The following CELSR1 variants were observed in gnomAD, a reference collection of about 807,000 sequenced individuals.
CELSR1 encodes the protein cadherin EGF LAG seven-pass G-type receptor 1, also known as adhesion G protein-coupled receptor C1.
In CELSR1, 110 loss-of-function variants were observed where a neutral mutation model predicts 249.1. The ratio of observed to expected loss-of-function variants is 0.44; its 90% CI spans 0.38 to 0.52. The LOEUF is 0.52. Among genes scored for constraint, CELSR1 ranks in the 20% least tolerant of loss-of-function variants. The pLI is 0.00. For synonymous variants in CELSR1, 2,113 were observed against 1,900.0 expected, an observed-to-expected ratio of 1.11 and a Z score of -2.92; for missense variants, 4,109 against 4,296.4, an observed-to-expected ratio of 0.96 and a Z score of 1.22.
intron 5 of CELSR1, among the ~76,000 whole-genome samples, chr22:46,419,823 GCA>G (rs991496505): frequency 4.0e-5 from 6 of 149,288 alleles, no homozygotes; most frequent in African/African-American, 1.2e-4. Context: ...TCATACTCGT[GCA>G]CATTTACCCA....
chr22:46,514,481 C>T (rs1349918404), intron 1 of CELSR1, among the ~76,000 whole-genome samples: 1 of 152,160 alleles, frequency 6.6e-6, no homozygotes, highest in Non-Finnish European at 1.5e-5. Flanking sequence ...CCTCTGGCTG[C>T]CAGTCAGTCA....
chr22:46,451,653 T>C (rs1248912605), intron 2 of CELSR1, among the ~76,000 whole-genome samples: 1 of 152,104 alleles, frequency 6.6e-6, no homozygotes, highest in Non-Finnish European at 1.5e-5. Context: ...AGGGGCTCCC[T>C]ACAACCTCCT....
chr22:46,372,897 G>A lies in CELSR1; in HGVS notation c.7745C>T (p.Pro2582Leu). ...RFYYVVGWGIPAIVTGLAVGL... is the reference protein window; with the variant it reads ...RFYYVVGWGILAIVTGLAVGL... ...TGCATCCTCACCTGTGACAATGGCC[G>A]GGATGCCCCAGCCCACGACGTAGTA... The change falls in exon 25 of 35, where the codon CCG (proline) becomes CTG (leucine). Residue 2582 changes from proline (P) to leucine (L), a missense_variant. Physicochemically the swap from Pro to Leu is moderately conservative, Grantham distance 98. Coordinates refer to ENST00000674500, the MANE Select transcript of CELSR1 (RefSeq NM_001378328.1). 4 of 1,607,530 alleles carry A rather than the reference G, an allele frequency of 2.5e-6. No homozygotes were observed. Among genetic ancestry groups the A allele is most frequent in the Non-Finnish European group, 2.6e-6 (3 of 1,176,192 alleles).
At position 46,361,222 on chromosome 22, in the gene CELSR1, T is replaced by C. The variant is rs940936224; in HGVS notation, c.*2001A>G. The C allele has an allele frequency of 1.0e-3, 155 of 152,590 alleles. No homozygotes were observed. Among genetic ancestry groups the C allele is most frequent in the African/African-American group, 3.6e-3 (148 of 41,444 alleles). 9.5% of individuals were successfully genotyped at this position (152,590 alleles called of 1,614,324 possible). A position where few individuals can be genotyped will look rare whatever the true frequency, so the allele number is the denominator to read the frequency against. On this transcript the variant is annotated 3_prime_UTR_variant, in exon 35 of 35. Coordinates refer to ENST00000674500, the MANE Select transcript of CELSR1 (RefSeq NM_001378328.1). ...ATTGTAGACTCTTCTCATTTGTAAT[T>C]CCAGTGTTTTGAACATTAATAAATA...
In CELSR1 at chr22:46,503,515, G is replaced by A. The variant is rs141695672; in HGVS notation, c.3544+30112C>T. Among the ~76,000 whole-genome samples the A allele has an allele frequency of 1.1e-3, 174 of 152,362 alleles. 4 individuals carry two copies. The East Asian group carries it at 0.028, about 25-fold the overall frequency. ...ACACAGGAAGAACCACATTCACTAT[G>A]AACTCAACCAACTGCATCCAGCGAG... On this transcript the variant is annotated intron_variant, in intron 1 of 34. Transcript: ENST00000674500.
In CELSR1 at chr22:46,430,453, G is replaced by A. The variant is rs1386093375; in HGVS notation, c.4611+2940C>T. 3.3e-5 allele frequency among the ~76,000 whole-genome samples: 5 copies of A among 152,180 alleles called. No homozygotes were observed. In the East Asian group the frequency reaches 9.7e-4, roughly 29 times the overall value. On this transcript the variant is annotated intron_variant, in intron 5 of 34. Transcript: ENST00000674500. This position sits in a 1 kb window ranked among gnomAD's most constrained non-coding sequence, Gnocchi z 4.6. Reference sequence around the variant, plus strand: ...CGTGTGCAGGGGGGTTCCCTCGGCAGTGTCACCCACCACCCTCAAGATCAC... The same window carrying A: ...CGTGTGCAGGGGGGTTCCCTCGGCAATGTCACCCACCACCCTCAAGATCAC...
chr22:46,461,811 G>C (rs1452558728), intron 2 of CELSR1, among the ~76,000 whole-genome samples: 1 of 152,256 alleles, frequency 6.6e-6, no homozygotes. Context: ...AAGCAGGGAA[G>C]TCGACGAAGC....
Position 46,492,469 on chromosome 22 carries a change from T to C in CELSR1, c.3545-28124A>G, listed in dbSNP as rs76499187. 8.3e-3 allele frequency among the ~76,000 whole-genome samples: 1,258 copies of C among 152,314 alleles called. 18 individuals are homozygous for C. The highest frequency in any genetic ancestry group is 0.029 in the African/African-American group (1,204 of 41,564). On this transcript the variant is annotated intron_variant, in intron 1 of 34. Transcript: ENST00000674500. ...TCTTTTCCATAAAAATGCACCCCTT[T>C]GTTTTAAAAACTGGTAGCTTGTGTT... is the stretch of plus-strand genomic sequence containing the variant.
chr22:46,418,286 G>A (rs1001805426), intron 5 of CELSR1, among the ~76,000 whole-genome samples: 9 of 152,104 alleles, frequency 5.9e-5, no homozygotes, highest in Non-Finnish European at 1.0e-4. Flanking sequence ...TTTGCGACCA[G>A]CCTGGCCAAC....
Position 46,534,549 on chromosome 22 carries a change from G to A in CELSR1, c.2622C>T (p.Asp874=), listed in dbSNP as rs2080829055. Residue 874 remains aspartate, a synonymous_variant, in exon 1 of 35, where the codon GAC becomes GAT. Coordinates refer to ENST00000674500, the MANE Select transcript of CELSR1 (RefSeq NM_001378328.1). This position sits in a 1 kb window ranked among gnomAD's most constrained non-coding sequence, Gnocchi z 9.7. ...GGATGAGGATCTCTAGGGTGGTGGT[G>A]TCTGATTTCTGCGGGATGCCGTTGT... ...AQDNGIPQKS[D]TTTLEILILD... is the part of the protein sequence containing the mutation. 1 of 1,613,582 alleles carries A rather than the reference G, an allele frequency of 6.2e-7. No individual in the cohort carries two copies. Among genetic ancestry groups the A allele is most frequent in the African/African-American group, 1.3e-5 (1 of 74,948 alleles).
rs6008805 is a variant in CELSR1, at chr22:46,412,419, A to G, written c.4612-660T>C. On this transcript the variant is annotated intron_variant, in intron 5 of 34. Transcript: ENST00000674500. This position sits in a 1 kb window ranked among gnomAD's most constrained non-coding sequence, Gnocchi z 4.5. Reference sequence around the variant, plus strand: ...CTGGGGGTGTCCTCCTGACCACGGCACCTGGCCAGGTTCGTGCTCCTGGAG... The same window carrying G: ...CTGGGGGTGTCCTCCTGACCACGGCGCCTGGCCAGGTTCGTGCTCCTGGAG... Among the ~76,000 whole-genome samples the G allele has an allele frequency of 0.3, 45,424 of 151,956 alleles. 11,228 individuals are homozygous for G. The highest frequency in any genetic ancestry group is 0.69 in the African/African-American group (28,421 of 41,436).
At position 46,393,893 on chromosome 22, in the gene CELSR1, G is replaced by C. The variant is rs575314873; in HGVS notation, c.5964+249C>G. Among the ~76,000 whole-genome samples, 1 of 152,360 alleles carries C rather than the reference G, an allele frequency of 6.6e-6. No homozygotes were observed. The highest frequency in any genetic ancestry group is 1.9e-4 in the East Asian group (1 of 5,184). On this transcript the variant is annotated intron_variant, in intron 14 of 34. Coordinates refer to ENST00000674500, the MANE Select transcript of CELSR1 (RefSeq NM_001378328.1). The surrounding 1 kb of genome is among the most constrained non-coding windows in gnomAD (Gnocchi z 4.1). ...GCAGGGATTCCTGTTCCACGGGCGG[G>C]GGCTGGCAGGGCTGAACCCGTAGTT... is the stretch of plus-strand genomic sequence containing the variant.
chr22:46,377,192 C>T lies in CELSR1; in HGVS notation c.7453G>A (p.Val2485Met). Reference protein sequence around the residue: ...AVSLSLAALLVAFVLLSLVRM... With the variant: ...AVSLSLAALLMAFVLLSLVRM... The stretch of plus-strand genomic sequence containing the variant: ...ACCAGGCTCAGGAGGACGAAGGCCA[C>T]CAGCAGGGCTGCCAGTGACAAGGAC... Residue 2485 changes from valine to methionine, a missense_variant, in exon 24 of 35, where the codon GTG becomes ATG. Physicochemically the swap from Val to Met is conservative, Grantham distance 21. Transcript: ENST00000674500. 1.2e-6 allele frequency: 2 copies of T among 1,613,898 alleles called. No individual in the cohort carries two copies. Among genetic ancestry groups the T allele is most frequent in the East Asian group, 2.2e-5 (1 of 44,880 alleles).
At chr22:46,424,284 G>A (rs1205500886) in intron 5 of CELSR1, among the ~76,000 whole-genome samples, 3 of 151,272 alleles carry the variant, frequency 2.0e-5, no homozygotes, top group Non-Finnish European at 2.9e-5. Context: ...TCCCTATGTT[G>A]CCCAGGCTGA....
At chr22:46,467,332 C>T (rs1318357554) in intron 1 of CELSR1, among the ~76,000 whole-genome samples, 2 of 152,112 alleles carry the variant, frequency 1.3e-5, no homozygotes, top group African/African-American at 4.8e-5. Context: ...GACAAAGAAA[C>T]CACCTAAAGG....
chr22:46,450,056 A>G (rs1255923425), intron 2 of CELSR1, among the ~76,000 whole-genome samples: 1 of 152,248 alleles, frequency 6.6e-6, no homozygotes, highest in Non-Finnish European at 1.5e-5. Flanking sequence ...CTGTTCTGCA[A>G]CGTGACAGTC....
In CELSR1 at chr22:46,386,532, C is replaced by T. The variant is rs1318941738; in HGVS notation, c.6609G>A (p.Trp2203Ter). The change falls in exon 19 of 35, where the codon TGG becomes TGA. Residue 2203 changes from tryptophan to a stop codon, truncating the protein, a stop_gained. Transcript: ENST00000674500. LOFTEE classifies it high-confidence loss of function. The part of the protein sequence containing the change: ...ALLAPATRAA[W>*]EQIQRSEGGT... ...CGCCCTCGCTCCGCTGGATCTGCTCCCACGCCGCCCTGGTGGCTGGGGCCA... is the reference window on the plus strand; with the variant it reads ...CGCCCTCGCTCCGCTGGATCTGCTCTCACGCCGCCCTGGTGGCTGGGGCCA... 6.3e-7 allele frequency: 1 copy of T among 1,597,180 alleles called. No homozygotes were observed. Among genetic ancestry groups the T allele is most frequent in the Non-Finnish European group, 8.5e-7 (1 of 1,173,462 alleles).
At position 46,423,274 on chromosome 22, in the gene CELSR1, G is replaced by A. The variant is rs969079080; in HGVS notation, c.4611+10119C>T. Among the ~76,000 whole-genome samples the A allele has an allele frequency of 6.6e-6, 1 of 152,212 alleles. No homozygotes were observed. The highest frequency in any genetic ancestry group is 1.5e-5 in the Non-Finnish European group (1 of 68,034). ...ATCGCATAGACCAGAAGAACCAGCA[G>A]CCAAACCACTGCATCACCAGGAATA... On this transcript the variant is annotated intron_variant, in intron 5 of 34. Transcript: ENST00000674500. The surrounding 1 kb of genome is among the most constrained non-coding windows in gnomAD (Gnocchi z 5.6).
chr22:46,492,116 A>T (rs1348908104), intron 1 of CELSR1, among the ~76,000 whole-genome samples: 1 of 152,224 alleles, frequency 6.6e-6, no homozygotes. Context: ...CAATGGCAGA[A>T]GCAGGACGTT....
Sources: gnomAD v4.1 joint callset for allele counts (sites outside exome capture counted in the v4.1 genomes callset) on GRCh38, gnomAD v4.1.1 for gene constraint, Gnocchi (gnomAD v3.1) non-coding constraint, MANE v1.5 for transcripts, NCBI Gene and HGNC (gene_info 2026-07-23, HGNC 2026-07-21) for gene names.